GLIS3: variants seen among roughly 807,000 people sequenced by gnomAD.
GLIS3 encodes zinc finger protein GLIS3.
Under a neutral mutation model 78.6 loss-of-function variants are expected in GLIS3, and 53 were observed. The observed-to-expected ratio is 0.67, with a 90% CI of 0.54 to 0.85. GLIS3 has a LOEUF of 0.85. Among genes scored for constraint, GLIS3 ranks in the 40% least tolerant of loss-of-function variants. GLIS3 has a pLI of 0.00. For synonymous variants in GLIS3, 684 were observed against 509.9 expected, an observed-to-expected ratio of 1.34 and a Z score of -4.60; for missense variants, 1,703 against 1,231.1, an observed-to-expected ratio of 1.38 and a Z score of -5.74.
intron 2 of GLIS3, among the ~76,000 whole-genome samples, chr9:4,145,861 T>C (rs1834187489): frequency 6.6e-6 from 1 of 152,034 alleles, no homozygotes; most frequent in Non-Finnish European, 1.5e-5. Context: ...CTCAGTAGAA[T>C]TTAAACAATA....
intron 6 of GLIS3, among the ~76,000 whole-genome samples, chr9:3,929,027 C>T (rs1433199690): frequency 2.6e-5 from 4 of 152,124 alleles, no homozygotes; most frequent in Non-Finnish European, 5.9e-5. Flanking sequence ...TTTCAAGTGG[C>T]TTATTGCCTT....
chr9:4,456,942 A>G, the GLIS3 span, among the ~76,000 whole-genome samples: 1 of 152,232 alleles, frequency 6.6e-6, no homozygotes, highest in Non-Finnish European at 1.5e-5. Flanking sequence ...AAATAATTTA[A>G]AAGTTTGAAA....
intron 6 of GLIS3, among the ~76,000 whole-genome samples, chr9:3,920,768 T>C (rs754615157): frequency 6.6e-6 from 1 of 152,226 alleles, no homozygotes; most frequent in Non-Finnish European, 1.5e-5. Flanking sequence ...TATCTCAAAA[T>C]ACAGTTTCTA....
intron 2 of GLIS3, among the ~76,000 whole-genome samples, chr9:4,217,750 C>G (rs1016058535): frequency 2.0e-5 from 3 of 152,120 alleles, no homozygotes; most frequent in South Asian, 2.1e-4. Flanking sequence ...GCAAAAATAA[C>G]TCCTCATTTT....
chr9:4,029,282 C>G (rs1263176389), intron 4 of GLIS3, among the ~76,000 whole-genome samples: 1 of 151,874 alleles, frequency 6.6e-6, no homozygotes, highest in Non-Finnish European at 1.5e-5. Flanking sequence ...GACCTTTTCC[C>G]CCCGAGACCA....
chr9:4,153,691 T>G (rs775727190), intron 2 of GLIS3, among the ~76,000 whole-genome samples: 5 of 152,042 alleles, frequency 3.3e-5, no homozygotes, highest in African/African-American at 1.2e-4. Context: ...TACAAATGAG[T>G]GGATGAAAAG....
intron 8 of GLIS3, among the ~76,000 whole-genome samples, chr9:3,869,040 G>T (rs983361047): frequency 6.6e-6 from 1 of 152,120 alleles, no homozygotes; most frequent in African/African-American, 2.4e-5. Flanking sequence ...CGTTAGACTG[G>T]ATACTCTGAG....
chr9:4,325,360 T>A (rs1587386746), intron 2 of GLIS3, among the ~76,000 whole-genome samples: 1 of 152,118 alleles, frequency 6.6e-6, no homozygotes, highest in African/African-American at 2.4e-5. Flanking sequence ...ACCCTGAAAA[T>A]GTGCTAGGGC....
chr9:3,916,723 C>T (rs1444315773), intron 6 of GLIS3, among the ~76,000 whole-genome samples: 1 of 152,118 alleles, frequency 6.6e-6, no homozygotes, highest in Non-Finnish European at 1.5e-5. Context: ...TTCCTGGTTG[C>T]CATGGCTACT....
At chr9:3,852,052 G>C (rs936158067) in intron 9 of GLIS3, among the ~76,000 whole-genome samples, 1 of 152,108 alleles carries the variant, frequency 6.6e-6, no homozygotes, top group Admixed American at 6.5e-5. Flanking sequence ...GGCTGAGGCA[G>C]GGGAATTGCT....
the GLIS3 span, among the ~76,000 whole-genome samples, chr9:4,361,986 A>C: frequency 3.2e-4 from 49 of 152,256 alleles, no homozygotes; most frequent in Admixed American, 3.3e-4. Flanking sequence ...AATCTAAGTG[A>C]AATTCCAACG....
chr9:4,218,333 C>A (rs1821033269), intron 2 of GLIS3, among the ~76,000 whole-genome samples: 1 of 152,154 alleles, frequency 6.6e-6, no homozygotes, highest in Non-Finnish European at 1.5e-5. Context: ...GCCCACAGTG[C>A]AGTGGTGCGA....
the GLIS3 span, among the ~76,000 whole-genome samples, chr9:4,468,102 A>G: frequency 6.6e-6 from 1 of 152,200 alleles, no homozygotes; most frequent in African/African-American, 2.4e-5. Context: ...AAGGGAAAAA[A>G]GAAATGAACA....
the GLIS3 span, among the ~76,000 whole-genome samples, chr9:4,437,420 G>GTATGTATC: frequency 0.1 from 13,269 of 126,546 alleles, 633 homozygotes; most frequent in Middle Eastern, 0.15. Flanking sequence ...ATGTATGTAT[G>GTATGTATC]TATCTATCTA....
chr9:4,355,826 A>G, the GLIS3 span, among the ~76,000 whole-genome samples: 1 of 152,202 alleles, frequency 6.6e-6, no homozygotes. Context: ...GTGGCAAAAC[A>G]CTGGATCAGG....
At chr9:3,865,018 A>C (rs1175024422) in intron 8 of GLIS3, among the ~76,000 whole-genome samples, 2 of 152,108 alleles carry the variant, frequency 1.3e-5, no homozygotes, top group African/African-American at 4.8e-5. Context: ...CTTGGTGCAA[A>C]TGTCCAGCTG....
intron 4 of GLIS3, among the ~76,000 whole-genome samples, chr9:3,971,439 G>C (rs5020205): frequency 0.38 from 57,411 of 151,988 alleles, 11,202 homozygotes; most frequent in East Asian, 0.55. Flanking sequence ...CCTAAAAATG[G>C]TATTTTTCAG....
chr9:3,922,087 A>T (rs1484792012), intron 6 of GLIS3, among the ~76,000 whole-genome samples: 1 of 152,232 alleles, frequency 6.6e-6, no homozygotes, highest in East Asian at 1.9e-4. Context: ...ACTTTAGGAT[A>T]TGTACTAAGA....
chr9:4,029,963 T>C (rs1267030756), intron 4 of GLIS3, among the ~76,000 whole-genome samples: 2 of 152,164 alleles, frequency 1.3e-5, no homozygotes, highest in Non-Finnish European at 2.9e-5. Flanking sequence ...TATCCAGCAG[T>C]GGGATTGATA....
Sources: gnomAD v4.1 joint callset for allele counts (sites outside exome capture counted in the v4.1 genomes callset) on GRCh38, gnomAD v4.1.1 for gene constraint, MANE v1.5 for transcripts, NCBI Gene and HGNC (gene_info 2026-07-23, HGNC 2026-07-21) for gene names.